Variants in DDX6 observed in about 807,000 individuals in gnomAD.
DDX6 encodes the protein probable ATP-dependent RNA helicase DDX6.
DDX6 carries 7 observed loss-of-function variants against 60.6 expected under a neutral mutation model. The ratio of observed to expected loss-of-function variants is 0.12; its 90% CI spans 0.07 to 0.22. The LOEUF is 0.22. DDX6 is among the 10% of genes least tolerant of loss of function. The pLI is 1.00. For missense variants in DDX6, 270 were observed against 589.9 expected, an observed-to-expected ratio of 0.46 and a Z score of 5.62; for synonymous variants, 207 against 201.0, an observed-to-expected ratio of 1.03 and a Z score of -0.25.
In DDX6 at chr11:118,786,299, C is replaced by A; in HGVS notation, c.-48G>T. ...TTCAAACTTCAAAACTTTTGAAAGT[C>A]AGTAGAGAAACTGTAATAACAGTTT... On this transcript the variant is annotated 5_prime_UTR_variant, in exon 2 of 14. Coordinates refer to ENST00000534980, the MANE Select transcript of DDX6 (RefSeq NM_004397.6). 6.6e-7 allele frequency: 1 copy of A among 1,520,794 alleles called. No individual in the cohort carries two copies. The highest frequency in any genetic ancestry group is 1.2e-5 in the South Asian group (1 of 82,702). 94.2% of individuals were successfully genotyped at this position (1,520,794 alleles called of 1,614,324 possible). A position where few individuals can be genotyped will look rare whatever the true frequency, so the allele number is the denominator to read the frequency against.
Position 118,763,299 on chromosome 11 carries a change from C to T in DDX6, c.654G>A (p.Val218=). The T allele has an allele frequency of 6.2e-7, 1 of 1,611,262 alleles. No homozygotes were observed. Among genetic ancestry groups the T allele is most frequent in the Non-Finnish European group, 8.5e-7 (1 of 1,178,102 alleles). Reference sequence around the variant, plus strand: ...GGATTCTCCCAGGGGTAGCAATCACCACGTGCACTATGCAAGATTTAGAAA... The same window carrying T: ...GGATTCTCCCAGGGGTAGCAATCACTACGTGCACTATGCAAGATTTAGAAA... ...DIMRLDDTVH[V]VIATPGRILD... Residue 218 remains valine, a synonymous_variant, in exon 7 of 14, where the codon GTG becomes GTA. Coordinates refer to ENST00000534980, the MANE Select transcript of DDX6 (RefSeq NM_004397.6).
At chr11:118,779,166 A>AAAG (rs1245885696) in intron 4 of DDX6, among the ~76,000 whole-genome samples, 1 of 151,416 alleles carries the variant, frequency 6.6e-6, no homozygotes, top group Non-Finnish European at 1.5e-5. Context: ...CAAAAAAAAA[A>AAAG]AAAAAAAAGA....
At chr11:118,779,526 G>GT in intron 4 of DDX6, 106 bp downstream of exon 4, 1 of 682,520 alleles carries the variant, frequency 1.5e-6, no homozygotes, top group Non-Finnish European at 2.5e-6. Flanking sequence ...GTGTGTATAC[G>GT]TGAGAGAGAA....
chr11:118,760,050 G>A lies in DDX6; in HGVS notation c.742-6C>T. 6.2e-7 allele frequency: 1 copy of A among 1,609,330 alleles called. No individual in the cohort carries two copies. ...TGTGACAGCAACTTATCTGCCTGCAGTAGAAAGAAAAGACAATTTTAAAAA... is the reference window on the plus strand; with the variant it reads ...TGTGACAGCAACTTATCTGCCTGCAATAGAAAGAAAAGACAATTTTAAAAA... On this transcript the variant is annotated splice_region_variant and splice_polypyrimidine_tract_variant and intron_variant, in intron 7 of 13. Coordinates refer to ENST00000534980, the MANE Select transcript of DDX6 (RefSeq NM_004397.6).
intron 3 of DDX6, among the ~76,000 whole-genome samples, chr11:118,780,496 T>C (rs1861859282): frequency 6.6e-6 from 1 of 152,144 alleles, no homozygotes; most frequent in Admixed American, 6.5e-5. Context: ...TTTGTATTTT[T>C]AGTAGAGACA....
chr11:118,762,532 A>C (rs905887495), intron 7 of DDX6, among the ~76,000 whole-genome samples: 36 of 152,122 alleles, frequency 2.4e-4, no homozygotes, highest in African/African-American at 8.0e-4. Flanking sequence ...TATACTGTAG[A>C]GTATCGGCTG....
Position 118,754,904 on chromosome 11 carries a change from TA to T in DDX6, c.1277-18del. 2 of 1,577,272 alleles carry T rather than the reference TA, an allele frequency of 1.3e-6. No individual in the cohort carries two copies. Among genetic ancestry groups the T allele is most frequent in the Non-Finnish European group, 1.7e-6 (2 of 1,165,674 alleles). On this transcript the variant is annotated intron_variant, in intron 12 of 13. Transcript: ENST00000534980. Reference sequence around the variant, plus strand: ...CAAAGCGACCTAAAAAACATGCGTTTAAAAATTTTAATGAATAAAATATGAA... The same window carrying T: ...CAAAGCGACCTAAAAAACATGCGTTTAAAATTTTAATGAATAAAATATGAA...
Position 118,747,860 on chromosome 11 carries a change from A to G in DDX6, c.*4245T>C, listed in dbSNP as rs1239568842. 6.7e-6 allele frequency: 1 copy of G among 149,876 alleles called. No individual in the cohort carries two copies. Among genetic ancestry groups the G allele is most frequent in the Non-Finnish European group, 1.5e-5 (1 of 67,750 alleles). The allele number at this position is 149,876 out of a possible 1,614,324, so 9.3% of individuals were successfully genotyped here. A position where few individuals can be genotyped will look rare whatever the true frequency, so the allele number is the denominator to read the frequency against. ...ATAAACTCAGCAGACTCCGGTCCAT[A>G]TATGCGTACATACAACATAACACAT... is the stretch of plus-strand genomic sequence containing the variant. On this transcript the variant is annotated 3_prime_UTR_variant, in exon 14 of 14. Transcript: ENST00000534980.
intron 3 of DDX6, among the ~76,000 whole-genome samples, chr11:118,780,086 C>T (rs1445406639): frequency 8.6e-6 from 1 of 115,862 alleles, no homozygotes; most frequent in Non-Finnish European, 1.6e-5. Flanking sequence ...CACTGCACAG[C>T]CTGGGGGGAC....
chr11:118,776,722 A>G (rs1396125001), intron 4 of DDX6, among the ~76,000 whole-genome samples: 1 of 151,802 alleles, frequency 6.6e-6, no homozygotes, highest in African/African-American at 2.4e-5. Context: ...AGTCCCCGCT[A>G]TTCGGGAGGC....
rs1257160659 is a variant in DDX6, at chr11:118,765,419, CATT to C, written c.500-67_500-65del. 5.6e-5 allele frequency: 86 copies of C among 1,532,794 alleles called. No individual in the cohort carries two copies. In the East Asian group the frequency reaches 1.3e-3, roughly 23 times the overall value. The allele number at this position is 1,532,794 out of a possible 1,614,324, so 94.9% of individuals were successfully genotyped here. On this transcript the variant is annotated intron_variant, in intron 5 of 13. Coordinates refer to ENST00000534980, the MANE Select transcript of DDX6 (RefSeq NM_004397.6). The stretch of plus-strand genomic sequence containing the variant: ...TGAGGTGGGAGAACATGCTATACAT[CATT>C]ATTTACAAAATTTAAGAAGCTATAG...
rs781919086 is a variant in DDX6, at chr11:118,754,668, T to A, written c.*7+37A>T. The A allele has an allele frequency of 2.6e-6, 4 of 1,538,268 alleles. No homozygotes were observed. In the South Asian group the frequency reaches 5.0e-5, roughly 19 times the overall value. On this transcript the variant is annotated intron_variant, in intron 13 of 13. Transcript: ENST00000534980. The stretch of plus-strand genomic sequence containing the variant: ...GAAAGAAGATTTTGATTTCCCTCAT[T>A]TAAAGGTTCCTCTTAGCTGTTCTGT...
chr11:118,753,679 A>G (rs981135712), intron 13 of DDX6, among the ~76,000 whole-genome samples: 14 of 152,160 alleles, frequency 9.2e-5, no homozygotes, highest in African/African-American at 3.4e-4. Flanking sequence ...TCATAATCTG[A>G]TTAAACATTT....
chr11:118,758,467 G>C (rs1423756116), intron 9 of DDX6, among the ~76,000 whole-genome samples: 3 of 152,100 alleles, frequency 2.0e-5, no homozygotes, highest in Non-Finnish European at 4.4e-5. Context: ...TCCGCCTCCT[G>C]GGTTCAAGCA....
intron 4 of DDX6, among the ~76,000 whole-genome samples, chr11:118,768,865 A>C (rs1024408848): frequency 2.0e-5 from 3 of 151,172 alleles, no homozygotes; most frequent in East Asian, 2.0e-4. Flanking sequence ...AAAATTACAG[A>C]AAGTAGCTGG....
Position 118,749,597 on chromosome 11 carries a change from C to T in DDX6, c.*2508G>A, listed in dbSNP as rs141124029. ...AGGGACCCACAGGCATGTGGCACCA[C>T]GCAGTCTAAAGTTGGTGAAGGAGAC... On this transcript the variant is annotated 3_prime_UTR_variant, in exon 14 of 14. Coordinates refer to ENST00000534980, the MANE Select transcript of DDX6 (RefSeq NM_004397.6). 2.2e-3 allele frequency: 330 copies of T among 152,718 alleles called. No individual in the cohort carries two copies. Among genetic ancestry groups the T allele is most frequent in the African/African-American group, 7.6e-3 (317 of 41,558 alleles). The allele number at this position is 152,718 out of a possible 1,614,324, so 9.5% of individuals were successfully genotyped here. A position where few individuals can be genotyped will look rare whatever the true frequency, so the allele number is the denominator to read the frequency against.
intron 4 of DDX6, among the ~76,000 whole-genome samples, chr11:118,778,662 G>A (rs1861783724): frequency 6.6e-6 from 1 of 152,022 alleles, no homozygotes; most frequent in African/African-American, 2.4e-5. Flanking sequence ...AAGGGAGAGG[G>A]GAAAGAGCAG....
chr11:118,755,534 T>C lies in DDX6; in HGVS notation c.1175-31A>G, dbSNP rs782489550. 1.7e-5 allele frequency: 22 copies of C among 1,299,778 alleles called. No homozygotes were observed. The South Asian group carries it at 2.5e-4, about 15-fold the overall frequency. The allele number at this position is 1,299,778 out of a possible 1,614,324, so 80.5% of individuals were successfully genotyped here. A position where few individuals can be genotyped will look rare whatever the true frequency, so the allele number is the denominator to read the frequency against. On this transcript the variant is annotated intron_variant, in intron 11 of 13. Coordinates refer to ENST00000534980, the MANE Select transcript of DDX6 (RefSeq NM_004397.6). Reference sequence around the variant, plus strand: ...AAAAAAAAAGATAATTTTCATTTTTTCAATTTAGAAATGTCTCTCAGTACA... The same window carrying C: ...AAAAAAAAAGATAATTTTCATTTTTCCAATTTAGAAATGTCTCTCAGTACA...
Position 118,768,363 on chromosome 11 carries a change from T to C in DDX6, c.370-11A>G. The C allele has an allele frequency of 5.0e-6, 8 of 1,611,188 alleles. No homozygotes were observed. The highest frequency in any genetic ancestry group is 6.8e-6 in the Non-Finnish European group (8 of 1,179,666). ...GGGAATGCTCTCCTCCTAAAAGAGA[T>C]AAGACAATACAAAATTACTTCTGAA... is the stretch of plus-strand genomic sequence containing the variant. On this transcript the variant is annotated splice_polypyrimidine_tract_variant and intron_variant, in intron 4 of 13. Coordinates refer to ENST00000534980, the MANE Select transcript of DDX6 (RefSeq NM_004397.6).
Sources: allele counts gnomAD v4.1 joint callset (sites outside exome capture counted in the v4.1 genomes callset), GRCh38; gene constraint gnomAD v4.1.1; transcripts MANE v1.5; gene names NCBI Gene and HGNC (gene_info 2026-07-23, HGNC 2026-07-21).